SORT1: variants seen among roughly 807,000 people sequenced by gnomAD.
SORT1 encodes sortilin 1.
Under a neutral mutation model 101.7 loss-of-function variants are expected in SORT1, and 39 were observed. The observed-to-expected ratio is 0.38, with a 90% CI of 0.30 to 0.50. The LOEUF (loss-of-function observed/expected upper bound fraction) is 0.50, where lower values mean the gene tolerates loss of function less well. SORT1 is among the 20% of genes least tolerant of loss of function. The probability of loss-of-function intolerance (pLI) is 0.90; values close to 1 mark genes in which losing one functional copy is unlikely to be tolerated. For missense variants in SORT1, 878 were observed against 1,040.4 expected (o/e 0.84, Z 2.15); for synonymous variants, 396 against 393.7 (o/e 1.01, Z -0.07).
chr1:109,342,164 A>G lies in SORT1; in HGVS notation c.964-6T>C. ...TGGATCCTTCTTGTTGTATCCTAGA[A>G]CAGATGTCAATATTTATCTTTCTAA... is the stretch of plus-strand genomic sequence containing the variant. On this transcript the variant is annotated splice_region_variant and splice_polypyrimidine_tract_variant and intron_variant, in intron 8 of 19. Transcript: ENST00000256637. 1 of 1,602,682 alleles carries G rather than the reference A, an allele frequency of 6.2e-7. No homozygotes were observed. Among genetic ancestry groups the G allele is most frequent in the East Asian group, 2.2e-5 (1 of 44,820 alleles).
chr1:109,389,147 G>A (rs1257138604), intron 1 of SORT1, among the ~76,000 whole-genome samples: 3 of 152,200 alleles, frequency 2.0e-5, no homozygotes, highest in Non-Finnish European at 2.9e-5. Flanking sequence ...TGACAAGCAG[G>A]CCCTGTGGGG....
chr1:109,314,120 C>T, intron 19 of SORT1, 63 bp from the exon 20 acceptor site: 1 of 1,610,186 alleles, frequency 6.2e-7, no homozygotes, highest in Non-Finnish European at 8.5e-7. Context: ...AAGCAATCAC[C>T]TAGTTTCTGG....
At chr1:109,322,837 G>A (rs1323447540) in intron 15 of SORT1, 95 bp downstream of exon 15, 3 of 1,026,392 alleles carry the variant, frequency 2.9e-6, no homozygotes, top group Non-Finnish European at 4.3e-6. Context: ...ACCGCACCCG[G>A]CTGGATTTCA....
At chr1:109,329,962 A>C (rs1304749278) in intron 11 of SORT1, among the ~76,000 whole-genome samples, 1 of 152,214 alleles carries the variant, frequency 6.6e-6, no homozygotes, top group Non-Finnish European at 1.5e-5. Context: ...TAGGCCACAA[A>C]ACAAGCCTTA....
chr1:109,363,807 G>A (rs186940955), intron 3 of SORT1, among the ~76,000 whole-genome samples: 22 of 152,172 alleles, frequency 1.4e-4, no homozygotes, highest in Admixed American at 1.2e-3. Context: ...GGCTTTTATC[G>A]GTAATTGGGC....
At chr1:109,395,057 C>T (rs1053537316) in intron 1 of SORT1, among the ~76,000 whole-genome samples, 7 of 151,064 alleles carry the variant, frequency 4.6e-5, no homozygotes, top group African/African-American at 1.2e-4. Context: ...GAACAGGCTA[C>T]TACATAACAA....
intron 1 of SORT1, among the ~76,000 whole-genome samples, chr1:109,375,399 C>T (rs1193706670): frequency 6.6e-6 from 1 of 151,844 alleles, no homozygotes; most frequent in Non-Finnish European, 1.5e-5. Context: ...AAAAATTCGC[C>T]GGGCGAGGTG....
At chr1:109,316,753 T>C in intron 17 of SORT1, 97 bp downstream of exon 17, 1 of 797,788 alleles carries the variant, frequency 1.3e-6, no homozygotes, top group African/African-American at 1.7e-5. Flanking sequence ...TGACCACTTT[T>C]TATCAGTAAC....
At chr1:109,381,803 A>T (rs1375306192) in intron 1 of SORT1, among the ~76,000 whole-genome samples, 1 of 152,162 alleles carries the variant, frequency 6.6e-6, no homozygotes, top group African/African-American at 2.4e-5. Context: ...GGTCAAGGCT[A>T]CAGTCAGCCA....
chr1:109,376,750 G>A (rs554084310), intron 1 of SORT1, among the ~76,000 whole-genome samples: 6 of 152,270 alleles, frequency 3.9e-5, no homozygotes, highest in East Asian at 3.9e-4. Flanking sequence ...GAGGAGGGAC[G>A]CAGGTGAGTA....
At chr1:109,349,876 C>T (rs1649845962) in intron 6 of SORT1, among the ~76,000 whole-genome samples, 1 of 152,184 alleles carries the variant, frequency 6.6e-6, no homozygotes, top group Non-Finnish European at 1.5e-5. Flanking sequence ...CTACACTTTC[C>T]TGATTCCTAG....
At chr1:109,389,811 A>C (rs1185355208) in intron 1 of SORT1, 1 of 152,270 alleles carries the variant, frequency 6.6e-6, no homozygotes, top group Admixed American at 6.5e-5. Flanking sequence ...TTCACATCCA[A>C]GACCAAAGCA....
intron 10 of SORT1, among the ~76,000 whole-genome samples, chr1:109,336,570 G>A (rs1288718164): frequency 6.6e-6 from 1 of 152,190 alleles, no homozygotes; most frequent in East Asian, 1.9e-4. Context: ...CACTTTGGGA[G>A]GCCAAGGCAG....
intron 3 of SORT1, among the ~76,000 whole-genome samples, chr1:109,359,278 GT>G (rs1650554634): frequency 6.6e-6 from 1 of 152,064 alleles, no homozygotes; most frequent in Non-Finnish European, 1.5e-5. Context: ...ACTGGTGAAG[GT>G]TCTGCCCTTA....
chr1:109,314,188 A>T lies in SORT1; in HGVS notation c.2481+73T>A, dbSNP rs891075151. 3 of 1,534,320 alleles carry T rather than the reference A, an allele frequency of 2.0e-6. No individual in the cohort carries two copies. In the African/African-American group the frequency reaches 4.2e-5, roughly 21 times the overall value. On this transcript the variant is annotated intron_variant, in intron 19 of 19. Coordinates refer to ENST00000256637, the MANE Select transcript of SORT1 (RefSeq NM_002959.7). ...TGGCCCTGGCATATCTTGATCATGA[A>T]TAGAAGACAGACTTTATTTTCTTGT...
chr1:109,326,275 A>C (rs1392816588), intron 13 of SORT1, among the ~76,000 whole-genome samples: 1 of 143,802 alleles, frequency 7.0e-6, no homozygotes, highest in East Asian at 2.0e-4. Flanking sequence ...CTGGTCTTGA[A>C]CTCTTGGGCT....
At chr1:109,393,463 T>C (rs1010015103) in intron 1 of SORT1, 2 of 226,150 alleles carry the variant, frequency 8.8e-6, no homozygotes, top group Admixed American at 6.5e-5. Flanking sequence ...CATCTGTTCC[T>C]TTAAGACAGT....
intron 1 of SORT1, among the ~76,000 whole-genome samples, chr1:109,397,007 G>T (rs1430409260): frequency 6.6e-6 from 1 of 152,180 alleles, no homozygotes; most frequent in Admixed American, 6.5e-5. Context: ...TGTCACCACG[G>T]GATATAGACA....
chr1:109,386,125 T>TA (rs1323199228), intron 1 of SORT1, among the ~76,000 whole-genome samples: 3 of 152,218 alleles, frequency 2.0e-5, no homozygotes, highest in African/African-American at 7.2e-5. Context: ...TCAGAGGCGT[T>TA]AAGTAATTTG....
Sources: gnomAD v4.1 joint callset for allele counts (sites outside exome capture counted in the v4.1 genomes callset) on GRCh38, gnomAD v4.1.1 for gene constraint, MANE v1.5 for transcripts, NCBI Gene and HGNC (gene_info 2026-07-23, HGNC 2026-07-21) for gene names.